Variants in FAM124A observed in about 807,000 individuals in gnomAD.
FAM124A encodes the protein family with sequence similarity 124 member A, also known as protein FAM124A.
FAM124A carries 23 observed loss-of-function variants against 24.5 expected under a neutral mutation model. The ratio of observed to expected loss-of-function variants is 0.94; its 90% confidence interval spans 0.68 to 1.33. The LOEUF is 1.33. Ranked by LOEUF, FAM124A falls within the 40% of genes most tolerant of loss-of-function variation. The pLI, the probability that FAM124A is intolerant of heterozygous loss-of-function variation, is 0.00. For missense variants in FAM124A, 623 were observed against 722.8 expected (o/e 0.86, Z 1.58); for synonymous variants, 287 against 314.7 (o/e 0.91, Z 0.93).
chr13:51,245,315 G>T, intron 2 of FAM124A: 1 of 674,310 alleles, frequency 1.5e-6, no homozygotes, highest in South Asian at 1.7e-5. Context: ...TATGCAGATG[G>T]ATTCTCCACC....
intron 2 of FAM124A, among the ~76,000 whole-genome samples, chr13:51,245,923 A>AAT (rs1270368262): frequency 1.3e-5 from 2 of 152,202 alleles, no homozygotes; most frequent in Admixed American, 1.3e-4. Context: ...TGTTGGAAAA[A>AAT]ATATATATAT....
chr13:51,251,923 A>G lies in FAM124A; in HGVS notation c.556A>G (p.Ser186Gly), dbSNP rs151116075. 122 of 1,614,084 alleles carry G rather than the reference A, an allele frequency of 7.6e-5. No homozygotes were observed. The highest frequency in any genetic ancestry group is 5.0e-5 in the Non-Finnish European group (59 of 1,180,048). ...CTGTCGCTACGACAACTATGCTGAC[A>G]GCCTCAGGTTCTACCAGCTGATTCT... The part of the protein sequence containing the change: ...VYCRYDNYAD[S>G]LRFYQLILRR... The change falls in exon 3 of 4, where the codon AGC (serine) becomes GGC (glycine). Residue 186 changes from serine to glycine, a missense_variant. By Grantham distance (56) the Ser-to-Gly change is moderately conservative (BLOSUM62 0). Coordinates refer to ENST00000322475, the MANE Select transcript of FAM124A (RefSeq NM_001242312.2). The surrounding 1 kb of genome is among the most constrained non-coding windows in gnomAD (Gnocchi z 5.3).
In FAM124A at chr13:51,251,144, C is replaced by A. The variant is rs1954615246; in HGVS notation, c.101-324C>A. Among the ~76,000 whole-genome samples, 1 of 152,200 alleles carries A rather than the reference C, an allele frequency of 6.6e-6. No individual in the cohort carries two copies. Among genetic ancestry groups the A allele is most frequent in the Non-Finnish European group, 1.5e-5 (1 of 68,040 alleles). The stretch of plus-strand genomic sequence containing the variant: ...GTTCCTTCCAAGTCACTAGACTTGA[C>A]TTTCTATTTGTCTGATACGTAAATA... On this transcript the variant is annotated intron_variant, in intron 2 of 3. Coordinates refer to ENST00000322475, the MANE Select transcript of FAM124A (RefSeq NM_001242312.2). This position sits in a 1 kb window ranked among gnomAD's most constrained non-coding sequence, Gnocchi z 5.3.
intron 3 of FAM124A, among the ~76,000 whole-genome samples, chr13:51,260,422 C>T (rs1053278916): frequency 2.0e-5 from 3 of 152,232 alleles, no homozygotes; most frequent in African/African-American, 4.8e-5. Context: ...TGGTGACAGA[C>T]TATCCCCAGT....
intron 3 of FAM124A, among the ~76,000 whole-genome samples, chr13:51,278,102 C>T (rs192589927): frequency 6.6e-6 from 1 of 152,294 alleles, no homozygotes; most frequent in Admixed American, 6.5e-5. Flanking sequence ...TCCAGGGAGG[C>T]AGCTAGCCTG....
intron 2 of FAM124A, among the ~76,000 whole-genome samples, chr13:51,236,434 C>T (rs1003182624): frequency 6.6e-6 from 1 of 152,260 alleles, no homozygotes; most frequent in Non-Finnish European, 1.5e-5. Context: ...GATACTGATG[C>T]AATAAATGTT....
chr13:51,237,582 G>A (rs569382013), intron 2 of FAM124A, among the ~76,000 whole-genome samples: 2 of 152,064 alleles, frequency 1.3e-5, no homozygotes, highest in Non-Finnish European at 2.9e-5. Context: ...AGTGTTGGTC[G>A]ATGGTGTCAG....
intron 2 of FAM124A, among the ~76,000 whole-genome samples, chr13:51,240,628 C>T (rs1356677663): frequency 2.0e-5 from 3 of 152,148 alleles, no homozygotes; most frequent in Admixed American, 6.5e-5. Context: ...ATGAAGGGCT[C>T]GCCATCTGTT....
chr13:51,281,399 T>C lies in FAM124A; in HGVS notation c.*143T>C. On this transcript the variant is annotated 3_prime_UTR_variant, in exon 4 of 4. Coordinates refer to ENST00000322475, the MANE Select transcript of FAM124A (RefSeq NM_001242312.2). ...AGCACATTTGCCTACCACCCACTCT[T>C]AGCTGGGGGGTGGTATATCTCTAGA... 6 of 723,652 alleles carry C rather than the reference T, an allele frequency of 8.3e-6. No homozygotes were observed. Among genetic ancestry groups the C allele is most frequent in the Non-Finnish European group, 6.4e-6 (3 of 466,222 alleles). 44.8% of individuals were successfully genotyped at this position (723,652 alleles called of 1,614,324 possible). A position where few individuals can be genotyped will look rare whatever the true frequency, so the allele number is the denominator to read the frequency against.
intron 3 of FAM124A, among the ~76,000 whole-genome samples, chr13:51,264,174 G>A (rs1954763003): frequency 6.6e-6 from 1 of 152,174 alleles, no homozygotes; most frequent in Admixed American, 6.5e-5. Flanking sequence ...TAATGCCCAT[G>A]ATTGCTATTT....
chr13:51,222,563 C>A lies in FAM124A; in HGVS notation c.62C>A (p.Thr21Asn). The stretch of plus-strand genomic sequence containing the variant: ...GACTGCGTGGACTCGGGCGCCGAGA[C>A]CGGAGGGTGAGCCGCGCCGGGCCGG... Reference protein sequence around the residue: ...EDDCVDSGAETGGSDYSHLSS... With the variant: ...EDDCVDSGAENGGSDYSHLSS... Residue 21 changes from threonine (T) to asparagine (N), a missense_variant, in exon 1 of 4, where the codon ACC becomes AAC. Transcript: ENST00000322475. 8.2e-7 allele frequency: 1 copy of A among 1,226,262 alleles called. No individual in the cohort carries two copies. 76.0% of individuals were successfully genotyped at this position (1,226,262 alleles called of 1,614,324 possible). A position where few individuals can be genotyped will look rare whatever the true frequency, so the allele number is the denominator to read the frequency against.
At position 51,280,449 on chromosome 13, in the gene FAM124A, G is replaced by C; in HGVS notation, c.835-1G>C. 1 of 1,587,886 alleles carries C rather than the reference G, an allele frequency of 6.3e-7. No homozygotes were observed. Among genetic ancestry groups the C allele is most frequent in the East Asian group, 2.3e-5 (1 of 44,436 alleles). ...AATGTGATCTGCCTCTCCCCCCACA[G>C]GCACAAAGGGTGCATAAGAAGTTTC... On this transcript the variant is annotated splice_acceptor_variant, in intron 3 of 3. Coordinates refer to ENST00000322475, the MANE Select transcript of FAM124A (RefSeq NM_001242312.2). LOFTEE classifies it high-confidence loss of function.
intron 1 of FAM124A, among the ~76,000 whole-genome samples, chr13:51,223,064 C>G (rs1954277670): frequency 6.6e-6 from 1 of 152,106 alleles, no homozygotes; most frequent in Admixed American, 6.5e-5. Context: ...TCTGTGCTGC[C>G]GAGTCCCCCT....
intron 3 of FAM124A, among the ~76,000 whole-genome samples, chr13:51,259,135 T>G (rs1051097661): frequency 3.3e-5 from 5 of 152,124 alleles, no homozygotes; most frequent in Non-Finnish European, 4.4e-5. Flanking sequence ...ATGAGACCAC[T>G]TGCTCTACCT....
chr13:51,222,714 G>A, intron 1 of FAM124A, 145 bp downstream of exon 1: 1 of 851,398 alleles, frequency 1.2e-6, no homozygotes, highest in African/African-American at 1.8e-5. Flanking sequence ...CTCTCTCCTG[G>A]GCGGGCCGCG....
intron 2 of FAM124A, among the ~76,000 whole-genome samples, chr13:51,234,222 C>T (rs1047420610): frequency 1.3e-5 from 2 of 152,186 alleles, no homozygotes; most frequent in Admixed American, 1.3e-4. Flanking sequence ...CCCATTTGTT[C>T]CTGAGTTCAC....
In FAM124A at chr13:51,246,913, G is replaced by A. The variant is rs77979692; in HGVS notation, c.101-4555G>A. ...GCCTCTTCACACCCAAGCCTCTCAC[G>A]CCATGCTATAGGCTTTCTTGGGTGA... On this transcript the variant is annotated intron_variant, in intron 2 of 3. Transcript: ENST00000322475. 5.1e-3 allele frequency among the ~76,000 whole-genome samples: 772 copies of A among 152,304 alleles called. 4 individuals carry two copies. Among genetic ancestry groups the A allele is most frequent in the African/African-American group, 0.017 (725 of 41,576 alleles).
intron 2 of FAM124A, among the ~76,000 whole-genome samples, chr13:51,248,664 A>T (rs569349624): frequency 2.3e-4 from 35 of 152,130 alleles, no homozygotes; most frequent in Non-Finnish European, 4.0e-4. Flanking sequence ...GTTCTTATGG[A>T]AATGTTGGGA....
At chr13:51,254,674 G>T (rs2137683173) in intron 3 of FAM124A, among the ~76,000 whole-genome samples, 1 of 152,224 alleles carries the variant, frequency 6.6e-6, no homozygotes, top group East Asian at 1.9e-4. Flanking sequence ...TCTTCCTGGT[G>T]ACCCCTGGAA....
Sources: gnomAD v4.1 joint callset for allele counts (sites outside exome capture counted in the v4.1 genomes callset) on GRCh38, gnomAD v4.1.1 for gene constraint, Gnocchi (gnomAD v3.1) non-coding constraint, MANE v1.5 for transcripts, NCBI Gene and HGNC (gene_info 2026-07-23, HGNC 2026-07-21) for gene names.